The following SLC39A10 variants were observed in gnomAD, a reference collection of about 807,000 sequenced individuals.
SLC39A10 encodes the protein solute carrier family 39 member 10.
SLC39A10 carries 13 observed loss-of-function variants against 65.1 expected under a neutral mutation model. The observed-to-expected ratio is 0.20, with a 90% CI of 0.13 to 0.32. The LOEUF (loss-of-function observed/expected upper bound fraction) is 0.32. Among genes scored for constraint, SLC39A10 ranks in the 10% least tolerant of loss-of-function variants. SLC39A10 has a pLI of 1.00. For synonymous variants in SLC39A10, 321 were observed against 342.2 expected, an observed-to-expected ratio of 0.94 and a Z score of 0.68; for missense variants, 831 against 1,018.4, an observed-to-expected ratio of 0.82 and a Z score of 2.50.
intron 3 of SLC39A10, among the ~76,000 whole-genome samples, chr2:195,697,541 G>A (rs1691011933): frequency 6.6e-6 from 1 of 151,984 alleles, no homozygotes; most frequent in Non-Finnish European, 1.5e-5. Flanking sequence ...CAGGTATTAA[G>A]CCTAGTGCCC....
At chr2:195,633,364 C>T (rs1376335391) in intron 2 of SLC39A10, among the ~76,000 whole-genome samples, 1 of 152,266 alleles carries the variant, frequency 6.6e-6, no homozygotes, top group Non-Finnish European at 1.5e-5. Context: ...AGGAGCAAAA[C>T]TCCATGTGGG....
intron 2 of SLC39A10, among the ~76,000 whole-genome samples, chr2:195,620,171 G>A (rs934925006): frequency 2.6e-5 from 4 of 151,930 alleles, no homozygotes; most frequent in South Asian, 2.1e-4. Flanking sequence ...TGATCCCCCC[G>A]CCTTGGCCTC....
Position 195,642,117 on chromosome 2 carries a change from G to A in SLC39A10, c.-12+35884G>A, listed in dbSNP as rs138355057. ...CCGAGGGTTATGGGAAGCTGTGAAA[G>A]GTCTATGCATGGGAGGACCTGATCA... is the stretch of plus-strand genomic sequence containing the variant. On this transcript the variant is annotated intron_variant, in intron 2 of 2. Coordinates refer to the SLC39A10 transcript ENST00000458054. 3.8e-3 allele frequency among the ~76,000 whole-genome samples: 573 copies of A among 152,246 alleles called. 8 individuals carry two copies. Among genetic ancestry groups the A allele is most frequent in the Admixed American group, 0.035 (540 of 15,280 alleles).
chr2:195,642,308 G>C (rs529606805), intron 2 of SLC39A10, among the ~76,000 whole-genome samples: 3 of 152,286 alleles, frequency 2.0e-5, no homozygotes, highest in African/African-American at 7.2e-5. Flanking sequence ...TAAGGAATCT[G>C]TAACAGAATT....
chr2:195,710,940 G>A (rs1481820320), intron 5 of SLC39A10, among the ~76,000 whole-genome samples: 1 of 152,116 alleles, frequency 6.6e-6, no homozygotes, highest in African/African-American at 2.4e-5. Context: ...CTAAGTAGAT[G>A]ACTGCAGAAT....
intron 1 of SLC39A10, among the ~76,000 whole-genome samples, chr2:195,666,861 G>C (rs1308198100): frequency 1.3e-5 from 2 of 152,204 alleles, no homozygotes; most frequent in Non-Finnish European, 2.9e-5. Context: ...ACTAATCTCA[G>C]ATGTTTGTAT....
chr2:195,667,846 T>C (rs1689693492), intron 1 of SLC39A10, among the ~76,000 whole-genome samples: 1 of 152,222 alleles, frequency 6.6e-6, no homozygotes, highest in South Asian at 2.1e-4. Flanking sequence ...ACTCAATTTA[T>C]ATTATTAATA....
chr2:195,617,930 G>A lies in SLC39A10; in HGVS notation c.-12+11697G>A, dbSNP rs184841389. ...AATTTTTTGTATTTTTAGTAGAGAC[G>A]GGGTTTCACCATGTTAGCCAGGATG... On this transcript the variant is annotated intron_variant, in intron 2 of 2. Transcript: ENST00000458054. 0.017 allele frequency among the ~76,000 whole-genome samples: 2,524 copies of A among 149,888 alleles called. 183 individuals are homozygous for A. The East Asian group carries it at 0.23, about 13-fold the overall frequency.
At chr2:195,654,065 A>G (rs1045642828), upstream of SLC39A10, among the ~76,000 whole-genome samples, 1 of 151,870 alleles carries the variant, frequency 6.6e-6, no homozygotes, top group African/African-American at 2.4e-5. Flanking sequence ...CAGCCTTCCC[A>G]AGTAGCTGGG....
intron 1 of SLC39A10, chr2:195,657,497 TG>T: frequency 1.0e-6 from 1 of 985,412 alleles, no homozygotes; most frequent in Non-Finnish European, 1.2e-6. Flanking sequence ...GGCAGAGTGT[TG>T]GGCGCCGCGG....
At chr2:195,629,908 A>AT (rs1327243343) in intron 2 of SLC39A10, among the ~76,000 whole-genome samples, 1 of 151,478 alleles carries the variant, frequency 6.6e-6, no homozygotes, top group Non-Finnish European at 1.5e-5. Flanking sequence ...TTATTTTTTT[A>AT]TTTTTTATAG....
chr2:195,703,768 C>G (rs1354816156), intron 3 of SLC39A10, among the ~76,000 whole-genome samples: 1 of 152,146 alleles, frequency 6.6e-6, no homozygotes, highest in Admixed American at 6.5e-5. Flanking sequence ...ATCCTCTCAC[C>G]TCAGCCTCCC....
rs750270068 is a variant in SLC39A10 at position 195,713,515 on chromosome 2, C to G, written c.1658C>G (p.Thr553Arg). ...RKLSDHKLNN[T>R]PDSDWLQLKP... is the part of the protein sequence containing the mutation. ...CTTTCAGATCACAAGTTAAACAATA[C>G]ACCAGATTCTGACTGGCTTCAACTC... The change falls in exon 6 of 10, where the codon ACA becomes AGA. Residue 553 changes from threonine (T) to arginine (R), a missense_variant. Physicochemically the swap from Thr to Arg is moderately conservative, Grantham distance 71 (BLOSUM62 -1). This residue lies in a region of SLC39A10 where 230 missense variants were observed against 242.9 expected (regional missense o/e 0.95). Transcript: ENST00000359634. 11 of 1,581,212 alleles carry G rather than the reference C, an allele frequency of 7.0e-6. No homozygotes were observed. The South Asian group carries it at 9.6e-5, about 14-fold the overall frequency.
intron 9 of SLC39A10, among the ~76,000 whole-genome samples, chr2:195,732,472 G>A (rs185629345): frequency 6.6e-6 from 1 of 152,242 alleles, no homozygotes; most frequent in East Asian, 1.9e-4. Flanking sequence ...TCTTAGCTGT[G>A]GTTATGACAA....
chr2:195,737,131 G>C lies in SLC39A10; in HGVS notation c.*2090G>C, dbSNP rs1346608132. The C allele has an allele frequency of 6.6e-6, 1 of 152,372 alleles. No homozygotes were observed. Among genetic ancestry groups the C allele is most frequent in the African/African-American group, 2.4e-5 (1 of 41,418 alleles). The allele number at this position is 152,372 out of a possible 1,614,324, so 9.4% of individuals were successfully genotyped here. A position where few individuals can be genotyped will look rare whatever the true frequency, so the allele number is the denominator to read the frequency against. On this transcript the variant is annotated 3_prime_UTR_variant, in exon 10 of 10. Coordinates refer to ENST00000359634, the MANE Select transcript of SLC39A10 (RefSeq NM_020342.3). ...TGGTATTATCTTTCTTTATTTGCTA[G>C]ATTCTTACAAATCTTTTAAGAGGGC...
At chr2:195,706,857 A>G (rs1691417632) in intron 4 of SLC39A10, 72 bp downstream of exon 4, 3 of 1,081,774 alleles carry the variant, frequency 2.8e-6, no homozygotes, top group Non-Finnish European at 3.7e-6. Flanking sequence ...CTTCATTAGC[A>G]AGCTATAGCA....
At chr2:195,614,919 G>A (rs1260602515) in intron 2 of SLC39A10, among the ~76,000 whole-genome samples, 1 of 152,112 alleles carries the variant, frequency 6.6e-6, no homozygotes, top group South Asian at 2.1e-4. Context: ...ACATGGTGGT[G>A]TGTGCCTTGT....
At chr2:195,644,881 A>G (rs752737165) in intron 2 of SLC39A10, among the ~76,000 whole-genome samples, 1 of 130,068 alleles carries the variant, frequency 7.7e-6, no homozygotes, top group African/African-American at 2.9e-5. Context: ...CCCATGACCA[A>G]TCTAACTACT....
At chr2:195,696,855 G>A (rs1334960943) in intron 3 of SLC39A10, among the ~76,000 whole-genome samples, 1 of 152,144 alleles carries the variant, frequency 6.6e-6, no homozygotes, top group Non-Finnish European at 1.5e-5. Context: ...AGGATATGCA[G>A]CAGAGAATTT....
Sources: gnomAD v4.1 joint callset for allele counts (sites outside exome capture counted in the v4.1 genomes callset) on GRCh38, gnomAD v4.1.1 for gene constraint, gnomAD v4.1.1 regional missense constraint, MANE v1.5 for transcripts, NCBI Gene and HGNC (gene_info 2026-07-23, HGNC 2026-07-21) for gene names.